TRAF3: variants seen among roughly 807,000 people sequenced by gnomAD.
The protein encoded by TRAF3 is TNF receptor associated factor 3.
TRAF3 carries 13 observed loss-of-function variants against 62.3 expected under a neutral mutation model. That is an observed-to-expected ratio of 0.21 (90% CI 0.14 to 0.33). TRAF3 has a LOEUF of 0.33. Ranked by LOEUF, TRAF3 falls within the 10% of genes least tolerant of loss-of-function variation. TRAF3 has a pLI of 1.00. For synonymous variants in TRAF3, 269 were observed against 283.4 expected (o/e 0.95, Z 0.51); for missense variants, 440 against 741.8 (o/e 0.59, Z 4.73).
rs146859153 is a variant in TRAF3 at position 102,876,679 on chromosome 14, T to C, written c.570+154T>C. 2.1e-3 allele frequency: 2,120 copies of C among 999,844 alleles called. 24 individuals carry two copies. In the African/African-American group the frequency reaches 0.032, roughly 15 times the overall value. The allele number at this position is 999,844 out of a possible 1,614,324, so 61.9% of individuals were successfully genotyped here. A position where few individuals can be genotyped will look rare whatever the true frequency, so the allele number is the denominator to read the frequency against. ...AGGCCTTCCACTCAGTTCATAGATA[T>C]TCCGTTCCACAGGCCTTCCGCTCAA... On this transcript the variant is annotated intron_variant, in intron 6 of 11. Coordinates refer to ENST00000392745, the MANE Select transcript of TRAF3 (RefSeq NM_145725.3).
chr14:102,798,705 G>C lies in TRAF3; in HGVS notation c.-157+21030G>C, dbSNP rs116097136. ...GCCCAGGCTGGTCTCAAATTCCTAGGTTCAGGTGATCCTCCTGATTCGGCC... is the reference window on the plus strand; with the variant it reads ...GCCCAGGCTGGTCTCAAATTCCTAGCTTCAGGTGATCCTCCTGATTCGGCC... On this transcript the variant is annotated intron_variant, in intron 1 of 11. Transcript: ENST00000392745. Among the ~76,000 whole-genome samples the C allele has an allele frequency of 7.9e-3, 1,200 of 152,254 alleles. 20 individuals are homozygous for C. The highest frequency in any genetic ancestry group is 0.027 in the African/African-American group (1,134 of 41,548).
intron 7 of TRAF3, among the ~76,000 whole-genome samples, chr14:102,888,696 T>A (rs551084097): frequency 6.6e-6 from 1 of 152,284 alleles, no homozygotes; most frequent in South Asian, 2.1e-4. Flanking sequence ...TGATGGGAAT[T>A]TCTTCAATAA....
rs148012337 is a variant in TRAF3, at chr14:102,881,008, G to A, written c.570+4483G>A. Among the ~76,000 whole-genome samples the A allele has an allele frequency of 2.1e-3, 317 of 152,066 alleles. 1 individual carries two copies. The highest frequency in any genetic ancestry group is 7.1e-3 in the African/African-American group (293 of 41,484). Reference sequence around the variant, plus strand: ...CCTGGGAGGCTGAGGCAGGAGAATCGCTTGAACTCAGGAGGCGTAGGTTGC... The same window carrying A: ...CCTGGGAGGCTGAGGCAGGAGAATCACTTGAACTCAGGAGGCGTAGGTTGC... On this transcript the variant is annotated intron_variant, in intron 6 of 11. Transcript: ENST00000392745.
At chr14:102,859,668 G>A (rs946165979) in intron 2 of TRAF3, among the ~76,000 whole-genome samples, 5 of 152,084 alleles carry the variant, frequency 3.3e-5, no homozygotes, top group East Asian at 1.9e-4. Context: ...AAGGCATTAC[G>A]CTTTTTATTT....
At chr14:102,838,670 C>A (rs980264162) in intron 2 of TRAF3, among the ~76,000 whole-genome samples, 6 of 152,132 alleles carry the variant, frequency 3.9e-5, no homozygotes, top group Non-Finnish European at 8.8e-5. Context: ...AGGAGACAGT[C>A]GTTGCGGCTG....
intron 9 of TRAF3, among the ~76,000 whole-genome samples, chr14:102,892,509 T>C (rs1378897300): frequency 6.6e-6 from 1 of 152,220 alleles, no homozygotes; most frequent in Non-Finnish European, 1.5e-5. Context: ...CCTCTAAGAA[T>C]GGATAGAGAA....
At chr14:102,844,739 A>G (rs1267658995) in intron 2 of TRAF3, among the ~76,000 whole-genome samples, 3 of 152,170 alleles carry the variant, frequency 2.0e-5, no homozygotes, top group African/African-American at 7.2e-5. Flanking sequence ...ATGAAATTCT[A>G]TAATAAAGAA....
chr14:102,778,499 G>C (rs1313600125), intron 1 of TRAF3, among the ~76,000 whole-genome samples: 2 of 152,204 alleles, frequency 1.3e-5, no homozygotes, highest in East Asian at 3.8e-4. Flanking sequence ...TTCAGATTAC[G>C]AGCTGTTGAC....
intron 2 of TRAF3, among the ~76,000 whole-genome samples, chr14:102,850,597 G>C (rs982680803): frequency 6.6e-6 from 1 of 151,088 alleles, no homozygotes; most frequent in Non-Finnish European, 1.5e-5. Context: ...AGGAGGCTGA[G>C]GCAGGAGAAT....
chr14:102,787,931 A>G (rs1379147971), intron 1 of TRAF3, among the ~76,000 whole-genome samples: 1 of 148,862 alleles, frequency 6.7e-6, no homozygotes, highest in Non-Finnish European at 1.5e-5. Flanking sequence ...GGCTCACTGC[A>G]ACCTATGCGT....
chr14:102,858,174 GAC>G, intron 2 of TRAF3, among the ~76,000 whole-genome samples: 1 of 147,512 alleles, frequency 6.8e-6, no homozygotes, highest in Admixed American at 6.7e-5. Context: ...TTTTTCTTGA[GAC>G]AGTCTCACTC....
intron 1 of TRAF3, among the ~76,000 whole-genome samples, chr14:102,808,647 C>T (rs1327902281): frequency 6.6e-6 from 1 of 152,116 alleles, no homozygotes; most frequent in Non-Finnish European, 1.5e-5. Context: ...CCAAATTGGT[C>T]TAGAAGGTGG....
chr14:102,890,615 T>C (rs1939912008), intron 8 of TRAF3, among the ~76,000 whole-genome samples: 1 of 152,246 alleles, frequency 6.6e-6, no homozygotes, highest in African/African-American at 2.4e-5. Context: ...ATCATTAAAA[T>C]GCTTTCTGTG....
rs972832917 is a variant in TRAF3, at chr14:102,908,997, A to T, written c.*3213A>T. On this transcript the variant is annotated 3_prime_UTR_variant, in exon 12 of 12. Coordinates refer to ENST00000392745, the MANE Select transcript of TRAF3 (RefSeq NM_145725.3). ...TGTCCCGCGGAGCCTGCAGAGCTAG[A>T]CGTTGGGGTGTGTCCGTGATGATAT... 1 of 152,426 alleles carries T rather than the reference A, an allele frequency of 6.6e-6. No homozygotes were observed. Among genetic ancestry groups the T allele is most frequent in the Non-Finnish European group, 1.5e-5 (1 of 68,218 alleles). The allele number at this position is 152,426 out of a possible 1,614,324, so 9.4% of individuals were successfully genotyped here.
At chr14:102,799,273 ACAGCGGGAGGAAC>A (rs1898259461) in intron 1 of TRAF3, among the ~76,000 whole-genome samples, 1 of 152,302 alleles carries the variant, frequency 6.6e-6, no homozygotes, top group South Asian at 2.1e-4. Flanking sequence ...GAGAGTTGAC[ACAGCGGGAGGAAC>A]CAGCTGCACT....
rs1315303847 is a variant in TRAF3, at chr14:102,867,094, G to A, written c.-17-3091G>A. Among the ~76,000 whole-genome samples, 3 of 152,122 alleles carry A rather than the reference G, an allele frequency of 2.0e-5. No homozygotes were observed. In the East Asian group the frequency reaches 5.8e-4, roughly 29 times the overall value. Reference sequence around the variant, plus strand: ...TCATAGAAATTCTTGTGCTGCTAGTGGAAGTATTTGTTGTTACCTCTGCTT... The same window carrying A: ...TCATAGAAATTCTTGTGCTGCTAGTAGAAGTATTTGTTGTTACCTCTGCTT... On this transcript the variant is annotated intron_variant, in intron 2 of 11. Coordinates refer to ENST00000392745, the MANE Select transcript of TRAF3 (RefSeq NM_145725.3).
At chr14:102,890,781 A>G (rs1889664160) in intron 8 of TRAF3, among the ~76,000 whole-genome samples, 1 of 152,150 alleles carries the variant, frequency 6.6e-6, no homozygotes, top group Admixed American at 6.5e-5. Context: ...TAACTTTTCT[A>G]AGAATACTGG....
intron 2 of TRAF3, among the ~76,000 whole-genome samples, chr14:102,860,836 C>A (rs577656817): frequency 6.6e-6 from 1 of 152,250 alleles, no homozygotes; most frequent in Non-Finnish European, 1.5e-5. Context: ...AGGCTTTTAA[C>A]TGCTCAAGAT....
chr14:102,802,786 C>T (rs2139470446), intron 1 of TRAF3, among the ~76,000 whole-genome samples: 1 of 152,144 alleles, frequency 6.6e-6, no homozygotes, highest in East Asian at 1.9e-4. Flanking sequence ...CGAGATCGTG[C>T]CACTGCACTC....
Sources: allele counts gnomAD v4.1 joint callset (sites outside exome capture counted in the v4.1 genomes callset), GRCh38; gene constraint gnomAD v4.1.1; transcripts MANE v1.5; gene names NCBI Gene and HGNC (gene_info 2026-07-23, HGNC 2026-07-21).